ZMIZ2: variants seen among roughly 807,000 people sequenced by gnomAD.
The protein encoded by ZMIZ2 is zinc finger MIZ-type containing 2.
Under a neutral mutation model 93.9 loss-of-function variants are expected in ZMIZ2, and 26 were observed. That is an observed-to-expected ratio of 0.28 (90% CI 0.20 to 0.38). The LOEUF (loss-of-function observed/expected upper bound fraction) is 0.38. Among genes scored for constraint, ZMIZ2 ranks in the 10% least tolerant of loss-of-function variants. ZMIZ2 has a pLI of 1.00. For synonymous variants in ZMIZ2, 485 were observed against 516.4 expected (o/e 0.94, Z 0.82); for missense variants, 1,023 against 1,235.0 (o/e 0.83, Z 2.57).
In ZMIZ2 at chr7:44,765,788, A is replaced by G; in HGVS notation, c.2242+209A>G. On this transcript the variant is annotated intron_variant, in intron 16 of 18. Coordinates refer to ENST00000309315, the MANE Select transcript of ZMIZ2 (RefSeq NM_031449.4). This position sits in a 1 kb window ranked among gnomAD's most constrained non-coding sequence, Gnocchi z 4.1. ...AAGGCACAGTCTCAGCTATGGTCCC[A>G]GGAAACAGACAGTGGGGCCTCCACC... 1 of 1,021,610 alleles carries G rather than the reference A, an allele frequency of 9.8e-7. No homozygotes were observed. The highest frequency in any genetic ancestry group is 1.4e-6 in the Non-Finnish European group (1 of 724,792). The allele number at this position is 1,021,610 out of a possible 1,614,324, so 63.3% of individuals were successfully genotyped here.
intron 3 of ZMIZ2, 78 bp downstream of exon 3, chr7:44,756,617 C>A (rs1283867790): frequency 6.8e-7 from 1 of 1,471,408 alleles, no homozygotes; most frequent in Non-Finnish European, 9.5e-7. Flanking sequence ...CTCCTCAGAG[C>A]TCTGAGAGAC....
chr7:44,759,596 T>C, intron 7 of ZMIZ2, 136 bp downstream of exon 7: 1 of 245,074 alleles, frequency 4.1e-6, no homozygotes, highest in South Asian at 9.4e-5. Flanking sequence ...CCATGTGTGC[T>C]CATGGACCAC....
chr7:44,757,205 C>T (rs1040365527), intron 4 of ZMIZ2, 56 bp downstream of exon 4: 71 of 1,541,766 alleles, frequency 4.6e-5, no homozygotes, highest in Admixed American at 8.6e-5. Context: ...CTGGCAGGCA[C>T]CTCAGAACTG....
At chr7:44,750,792 T>G (rs546575586) in intron 1 of ZMIZ2, among the ~76,000 whole-genome samples, 1 of 151,988 alleles carries the variant, frequency 6.6e-6, no homozygotes, top group African/African-American at 2.4e-5. Flanking sequence ...GGGTCCTAGC[T>G]TCCAGCTGGA....
rs752121402 is a variant in ZMIZ2 at position 44,756,944 on chromosome 7, T to C, written c.166-3T>C. On this transcript the variant is annotated splice_polypyrimidine_tract_variant and splice_region_variant and intron_variant, in intron 3 of 18. Coordinates refer to ENST00000309315, the MANE Select transcript of ZMIZ2 (RefSeq NM_031449.4). ...CCCTTTGGTGATTCCTGCTTCCTCA[T>C]AGGTTTTGGGGAACCCCATGGGCCC... 10 of 1,609,324 alleles carry C rather than the reference T, an allele frequency of 6.2e-6. No individual in the cohort carries two copies. Among genetic ancestry groups the C allele is most frequent in the South Asian group, 1.1e-5 (1 of 90,488 alleles).
At position 44,763,250 on chromosome 7, in the gene ZMIZ2, T is replaced by C. The variant is rs1338791660; in HGVS notation, c.1703-6T>C. Reference sequence around the variant, plus strand: ...TTACTCAAGTCCTTTACCTTGTTGATGTCAGTAAAGCGGAACTTCAGCAGC... The same window carrying C: ...TTACTCAAGTCCTTTACCTTGTTGACGTCAGTAAAGCGGAACTTCAGCAGC... On this transcript the variant is annotated splice_region_variant and splice_polypyrimidine_tract_variant and intron_variant, in intron 12 of 18. Transcript: ENST00000309315. The surrounding 1 kb of genome is among the most constrained non-coding windows in gnomAD (Gnocchi z 5.6). The C allele has an allele frequency of 1.2e-6, 2 of 1,613,788 alleles. No individual in the cohort carries two copies. Among genetic ancestry groups the C allele is most frequent in the Non-Finnish European group, 1.7e-6 (2 of 1,179,870 alleles).
At chr7:44,764,384 A>G in intron 13 of ZMIZ2, 35 bp from the exon 14 acceptor site, 1 of 1,610,006 alleles carries the variant, frequency 6.2e-7, no homozygotes, top group Non-Finnish European at 8.5e-7. Context: ...TGCTACCCAC[A>G]ATGAGAAACT....
Position 44,765,039 on chromosome 7 carries a change from T to C in ZMIZ2, c.1997+30T>C. 6.2e-7 allele frequency: 1 copy of C among 1,613,142 alleles called. No individual in the cohort carries two copies. Among genetic ancestry groups the C allele is most frequent in the Non-Finnish European group, 8.5e-7 (1 of 1,179,152 alleles). On this transcript the variant is annotated intron_variant, in intron 15 of 18. Transcript: ENST00000309315. The surrounding 1 kb of genome is among the most constrained non-coding windows in gnomAD (Gnocchi z 4.1). ...GCATCCTCTTCCTGTGATCCCTGCATCTGTGGCCACTGGAGGGCAGCCCCA... is the reference window on the plus strand; with the variant it reads ...GCATCCTCTTCCTGTGATCCCTGCACCTGTGGCCACTGGAGGGCAGCCCCA...
intron 7 of ZMIZ2, 88 bp from the exon 8 acceptor site, chr7:44,760,063 G>A (rs964880755): frequency 8.3e-6 from 11 of 1,328,784 alleles, no homozygotes; most frequent in South Asian, 3.6e-5. Context: ...AAAGAAGACC[G>A]TGTATGGTGG....
intron 1 of ZMIZ2, among the ~76,000 whole-genome samples, chr7:44,752,349 GCCAGGCTGGTCTCGAACT>G (rs915365352): frequency 6.6e-6 from 1 of 151,944 alleles, no homozygotes; most frequent in Non-Finnish European, 1.5e-5. Context: ...CACCATGTTG[GCCAGGCTGGTCTCGAACT>G]CCTGACCTCA....
rs1791138843 is a variant in ZMIZ2 at position 44,761,200 on chromosome 7, G to C, written c.1241-249G>C. 6.6e-6 allele frequency among the ~76,000 whole-genome samples: 1 copy of C among 152,234 alleles called. No homozygotes were observed. The highest frequency in any genetic ancestry group is 2.1e-4 in the South Asian group (1 of 4,828). On this transcript the variant is annotated intron_variant, in intron 9 of 18. Coordinates refer to ENST00000309315, the MANE Select transcript of ZMIZ2 (RefSeq NM_031449.4). This position sits in a 1 kb window ranked among gnomAD's most constrained non-coding sequence, Gnocchi z 5.8. The stretch of plus-strand genomic sequence containing the variant: ...CCCCTATTATGGTTTAGGGGACACT[G>C]GGCTGGACTGCTGAGGCAGGAGGCA...
chr7:44,760,042 C>A, intron 7 of ZMIZ2, 109 bp from the exon 8 acceptor site: 1 of 1,098,582 alleles, frequency 9.1e-7, no homozygotes, highest in Non-Finnish European at 1.4e-6. Flanking sequence ...TTGGAAAATA[C>A]AAGAGAGTGT....
chr7:44,760,373 A>G, intron 8 of ZMIZ2, 52 bp from the exon 9 acceptor site: 2 of 1,600,428 alleles, frequency 1.2e-6, no homozygotes, highest in Non-Finnish European at 1.7e-6. Context: ...AACAGACTCC[A>G]CTCCCATCCA....
At chr7:44,755,669 C>G (rs1260797225) in intron 1 of ZMIZ2, among the ~76,000 whole-genome samples, 2 of 152,226 alleles carry the variant, frequency 1.3e-5, no homozygotes, top group Non-Finnish European at 2.9e-5. Flanking sequence ...TTCTCAGCCC[C>G]TGGCCTCCAG....
At position 44,762,915 on chromosome 7, in the gene ZMIZ2, C is replaced by T. The variant is rs1167095104; in HGVS notation, c.1631C>T (p.Pro544Leu). Residue 544 changes from proline to leucine, a missense_variant, in exon 12 of 19, where the codon CCA becomes CTA. Coordinates refer to ENST00000309315, the MANE Select transcript of ZMIZ2 (RefSeq NM_031449.4). ...HLFVLQLVHRPSVRSVLQGLL... is the reference protein window; with the variant it reads ...HLFVLQLVHRLSVRSVLQGLL... ...TTCGTGCTGCAGCTAGTGCACCGCCCATCCGTCCGCTCGGTGCTGCAGGGC... is the reference window on the plus strand; with the variant it reads ...TTCGTGCTGCAGCTAGTGCACCGCCTATCCGTCCGCTCGGTGCTGCAGGGC... 3 of 1,612,986 alleles carry T rather than the reference C, an allele frequency of 1.9e-6. No individual in the cohort carries two copies. The highest frequency in any genetic ancestry group is 2.5e-6 in the Non-Finnish European group (3 of 1,179,156).
At chr7:44,752,284 C>A (rs549270138) in intron 1 of ZMIZ2, among the ~76,000 whole-genome samples, 63 of 152,148 alleles carry the variant, frequency 4.1e-4, no homozygotes, top group Non-Finnish European at 1.2e-4. Flanking sequence ...CCCACCACTA[C>A]GCCCGGTTAG....
chr7:44,761,689 G>A lies in ZMIZ2; in HGVS notation c.1386-6G>A. The A allele has an allele frequency of 6.2e-7, 1 of 1,613,938 alleles. No homozygotes were observed. Among genetic ancestry groups the A allele is most frequent in the Non-Finnish European group, 8.5e-7 (1 of 1,179,996 alleles). On this transcript the variant is annotated splice_region_variant and splice_polypyrimidine_tract_variant and intron_variant, in intron 10 of 18. Coordinates refer to ENST00000309315, the MANE Select transcript of ZMIZ2 (RefSeq NM_031449.4). The surrounding 1 kb of genome is among the most constrained non-coding windows in gnomAD (Gnocchi z 5.8). ...TTTCTGGGTGTCCACCCATCTTCCT[G>A]AGCAGGCCTGACCTGGAGCTGCAAT...
intron 1 of ZMIZ2, among the ~76,000 whole-genome samples, chr7:44,749,640 C>T (rs1789960975): frequency 6.6e-6 from 1 of 152,178 alleles, no homozygotes; most frequent in South Asian, 2.1e-4. Flanking sequence ...TGCCAGGTGT[C>T]CTTCACCGCG....
chr7:44,755,749 A>G (rs1790535073), intron 1 of ZMIZ2, among the ~76,000 whole-genome samples: 1 of 152,134 alleles, frequency 6.6e-6, no homozygotes, highest in Admixed American at 6.5e-5. Flanking sequence ...CCTCACCTCC[A>G]CTGCCCTCTG....
Sources: gnomAD v4.1 joint callset for allele counts (sites outside exome capture counted in the v4.1 genomes callset) on GRCh38, gnomAD v4.1.1 for gene constraint, Gnocchi (gnomAD v3.1) non-coding constraint, MANE v1.5 for transcripts, NCBI Gene and HGNC (gene_info 2026-07-23, HGNC 2026-07-21) for gene names.